The following ZDHHC1 variants were observed in gnomAD, a reference collection of about 807,000 sequenced individuals.
ZDHHC1 encodes the protein zDHHC palmitoyltransferase 1, also known as palmitoyltransferase ZDHHC1.
A neutral mutation model predicts 46.9 loss-of-function variants in ZDHHC1; 45 were observed. The observed-to-expected ratio is 0.96, with a 90% CI of 0.76 to 1.23. The LOEUF is 1.23. Ranked by LOEUF, ZDHHC1 falls within the 50% of genes most tolerant of loss-of-function variation. The probability of loss-of-function intolerance (pLI) is 0.00; values close to 1 mark genes in which losing one functional copy is unlikely to be tolerated. For missense variants in ZDHHC1, 649 were observed against 670.8 expected (o/e 0.97, Z 0.36); for synonymous variants, 291 against 286.0 (o/e 1.02, Z -0.18).
At chr16:67,404,535 G>A (rs1470675603) in intron 3 of ZDHHC1, 2 of 371,516 alleles carry the variant, frequency 5.4e-6, no homozygotes, top group African/African-American at 2.1e-5. Context: ...AGGCTGGTCA[G>A]GCATGAACCA....
chr16:67,398,127 C>G (rs1380536688), intron 8 of ZDHHC1, 85 bp downstream of exon 8: 5 of 1,390,158 alleles, frequency 3.6e-6, no homozygotes, highest in Non-Finnish European at 3.0e-6. Flanking sequence ...GCTTGCCTCC[C>G]TTGCCCTGTC....
At position 67,406,528 on chromosome 16, in the gene ZDHHC1, A is replaced by C; in HGVS notation, c.10-86T>G. On this transcript the variant is annotated intron_variant, in intron 2 of 11. Coordinates refer to ENST00000565726, the MANE Select transcript of ZDHHC1 (RefSeq NM_001323627.2). This position sits in a 1 kb window ranked among gnomAD's most constrained non-coding sequence, Gnocchi z 4.1. ...CCTGTGTCTGCAGCCAAGTTTCAGC[A>C]CAGGGGGAGTAGGCTGCGACAGCTA... is the stretch of plus-strand genomic sequence containing the variant. 7.0e-7 allele frequency: 1 copy of C among 1,427,220 alleles called. No individual in the cohort carries two copies. The highest frequency in any genetic ancestry group is 9.2e-7 in the Non-Finnish European group (1 of 1,087,038). The allele number at this position is 1,427,220 out of a possible 1,614,324, so 88.4% of individuals were successfully genotyped here. A position where few individuals can be genotyped will look rare whatever the true frequency, so the allele number is the denominator to read the frequency against.
At position 67,401,147 on chromosome 16, in the gene ZDHHC1, TA is replaced by T. The variant is rs779634914; in HGVS notation, c.253-16del. On this transcript the variant is annotated splice_polypyrimidine_tract_variant and intron_variant, in intron 3 of 11. Transcript: ENST00000565726. This position sits in a 1 kb window ranked among gnomAD's most constrained non-coding sequence, Gnocchi z 4.6. ...GCGCCCATGCACTGGCCCAGCAGGT[TA>T]AAGACTCACTCCACTCTGCCGGCTG... 46 of 1,612,402 alleles carry T rather than the reference TA, an allele frequency of 2.9e-5. No homozygotes were observed. Among genetic ancestry groups the T allele is most frequent in the Non-Finnish European group, 3.9e-5 (46 of 1,179,612 alleles).
chr16:67,406,525 A>G lies in ZDHHC1; in HGVS notation c.10-83T>C, dbSNP rs924862710. 5.6e-6 allele frequency: 8 copies of G among 1,432,266 alleles called. No individual in the cohort carries two copies. The highest frequency in any genetic ancestry group is 5.5e-6 in the Non-Finnish European group (6 of 1,090,610). The allele number at this position is 1,432,266 out of a possible 1,614,324, so 88.7% of individuals were successfully genotyped here. On this transcript the variant is annotated intron_variant, in intron 2 of 11. Transcript: ENST00000565726. The surrounding 1 kb of genome is among the most constrained non-coding windows in gnomAD (Gnocchi z 4.1). ...GGGCCTGTGTCTGCAGCCAAGTTTCAGCACAGGGGGAGTAGGCTGCGACAG... is the reference window on the plus strand; with the variant it reads ...GGGCCTGTGTCTGCAGCCAAGTTTCGGCACAGGGGGAGTAGGCTGCGACAG...
At chr16:67,411,366 G>C (rs1019046302) in intron 1 of ZDHHC1, among the ~76,000 whole-genome samples, 8 of 152,188 alleles carry the variant, frequency 5.3e-5, no homozygotes, top group Non-Finnish European at 1.0e-4. Flanking sequence ...GGGAGACGCA[G>C]GTGGGATCAA....
chr16:67,397,512 A>G (rs1226102343), intron 8 of ZDHHC1, among the ~76,000 whole-genome samples: 1 of 150,962 alleles, frequency 6.6e-6, no homozygotes, highest in African/African-American at 2.4e-5. Context: ...TCCCCAACCC[A>G]CCCACCAGCC....
chr16:67,412,953 G>A (rs539954133), intron 1 of ZDHHC1, among the ~76,000 whole-genome samples: 6 of 151,590 alleles, frequency 4.0e-5, no homozygotes, highest in Non-Finnish European at 5.9e-5. Flanking sequence ...GGTGCCCGCC[G>A]CCACGCCCGG....
intron 1 of ZDHHC1, 70 bp from the exon 2 acceptor site, chr16:67,407,883 G>T (rs1005509204): frequency 2.6e-5 from 19 of 721,672 alleles, no homozygotes; most frequent in Non-Finnish European, 5.0e-5. Flanking sequence ...CATCTGGCCT[G>T]CTTTCTCCTG....
In ZDHHC1 at chr16:67,406,206, G is replaced by C. The variant is rs746540603; in HGVS notation, c.246C>G (p.Gly82=). The C allele has an allele frequency of 1.9e-6, 3 of 1,613,846 alleles. No individual in the cohort carries two copies. The Admixed American group carries it at 5.0e-5, about 27-fold the overall frequency. The change falls in exon 3 of 12, where the codon GGC becomes GGG. Residue 82 remains glycine, a synonymous_variant. Transcript: ENST00000565726. The surrounding 1 kb of genome is among the most constrained non-coding windows in gnomAD (Gnocchi z 4.1). ...TACGCTTTCCCAAGGATACAGCGTA[G>C]CCAGCGGGCACCCAGTGGTGAGGCA... The part of the protein sequence containing the change: ...PLLPHHWVPA[G]YACMGAIFAG...
chr16:67,398,645 C>A lies in ZDHHC1; in HGVS notation c.742G>T (p.Ala248Ser), dbSNP rs759249026. The A allele has an allele frequency of 1.9e-6, 3 of 1,606,598 alleles. No individual in the cohort carries two copies. The South Asian group carries it at 3.4e-5, about 18-fold the overall frequency. ...TQAPAILALAALLILLGLLST... is the reference protein window; with the variant it reads ...TQAPAILALASLLILLGLLST... ...AGGAGGCCCAGAAGGATGAGCAGGG[C>A]GGCCAGGGCCAGGATGGCAGGGGCC... is the stretch of plus-strand genomic sequence containing the variant. Residue 248 changes from alanine (A) to serine (S), a missense_variant, in exon 7 of 12, where the codon GCC becomes TCC. Coordinates refer to ENST00000565726, the MANE Select transcript of ZDHHC1 (RefSeq NM_001323627.2).
In ZDHHC1 at chr16:67,416,386, G is replaced by A; in HGVS notation, c.-254C>T. 1 of 168,272 alleles carries A rather than the reference G, an allele frequency of 5.9e-6. No individual in the cohort carries two copies. Among genetic ancestry groups the A allele is most frequent in the Non-Finnish European group, 1.0e-5 (1 of 96,428 alleles). 10.4% of individuals were successfully genotyped at this position (168,272 alleles called of 1,614,324 possible). On this transcript the variant is annotated 5_prime_UTR_variant, in exon 1 of 12. Coordinates refer to ENST00000565726, the MANE Select transcript of ZDHHC1 (RefSeq NM_001323627.2). ...TCCTCGAGCTCTGGCTCTGGCTCCG[G>A]CTCCGGCTCCGGCTCCGGCTCCGGC...
In ZDHHC1 at chr16:67,395,567, C is replaced by T. The variant is rs2040415011; in HGVS notation, c.928-1G>A. ...AGGTCCGCATGTAGAACTCCATCTC[C>T]TGGGGAAGGTGGAAGTCAAGGAGGC... On this transcript the variant is annotated splice_acceptor_variant, in intron 8 of 11. Transcript: ENST00000565726. LOFTEE classifies it high-confidence loss of function. The T allele has an allele frequency of 1.4e-5, 22 of 1,552,456 alleles. No homozygotes were observed. Among genetic ancestry groups the T allele is most frequent in the Non-Finnish European group, 1.8e-5 (21 of 1,147,504 alleles).
At position 67,398,275 on chromosome 16, in the gene ZDHHC1, T is replaced by C; in HGVS notation, c.864A>G (p.Pro288=). 6.2e-7 allele frequency: 1 copy of C among 1,614,046 alleles called. No homozygotes were observed. The highest frequency in any genetic ancestry group is 8.5e-7 in the Non-Finnish European group (1 of 1,179,984). The change falls in exon 8 of 12, where the codon CCA becomes CCG. Residue 288 remains proline (P), a synonymous_variant. Coordinates refer to ENST00000565726, the MANE Select transcript of ZDHHC1 (RefSeq NM_001323627.2). Reference sequence around the variant, plus strand: ...CCCTGTGAACCCCCTTGGCCTCCTGTGGTGGGCGGTGCTGCACGATGTACT... The same window carrying C: ...CCCTGTGAACCCCCTTGGCCTCCTGCGGTGGGCGGTGCTGCACGATGTACT... ...TYEYIVQHRP[P]QEAKGVHREL... is the part of the protein sequence containing the mutation.
Position 67,395,470 on chromosome 16 carries a change from CA to C in ZDHHC1, c.1010+13del, listed in dbSNP as rs2040411289. On this transcript the variant is annotated intron_variant, in intron 9 of 11. Transcript: ENST00000565726. ...CTGGAGATGCCCAGTGGCACATGCCCAGGTTGCACTCACTTGGCATTCACTG... is the reference window on the plus strand; with the variant it reads ...CTGGAGATGCCCAGTGGCACATGCCCGGTTGCACTCACTTGGCATTCACTG... The C allele has an allele frequency of 6.4e-7, 1 of 1,551,624 alleles. No individual in the cohort carries two copies. Among genetic ancestry groups the C allele is most frequent in the African/African-American group, 1.4e-5 (1 of 73,146 alleles).
At chr16:67,415,025 C>T (rs567718514) in intron 1 of ZDHHC1, among the ~76,000 whole-genome samples, 1 of 152,174 alleles carries the variant, frequency 6.6e-6, no homozygotes, top group East Asian at 1.9e-4. Context: ...TAATCCCAGA[C>T]TTGGGGGGCT....
At position 67,406,025 on chromosome 16, in the gene ZDHHC1, A is replaced by C. The variant is rs893423367; in HGVS notation, c.252+175T>G. ...ACTCACCCTATCAGGTGGAGAGGTC[A>C]GGTGGAGGCTGGAGACAGGCTGGGA... On this transcript the variant is annotated intron_variant, in intron 3 of 11. Transcript: ENST00000565726. The surrounding 1 kb of genome is among the most constrained non-coding windows in gnomAD (Gnocchi z 4.1). 6.6e-6 allele frequency among the ~76,000 whole-genome samples: 1 copy of C among 152,192 alleles called. No homozygotes were observed. Among genetic ancestry groups the C allele is most frequent in the South Asian group, 2.1e-4 (1 of 4,838 alleles).
intron 9 of ZDHHC1, 71 bp from the exon 10 acceptor site, chr16:67,395,351 A>G: frequency 6.7e-7 from 1 of 1,497,042 alleles, no homozygotes; most frequent in Non-Finnish European, 8.9e-7. Context: ...GTGCTGAGAG[A>G]AGCTTCCCTT....
rs2040647181 is a variant in ZDHHC1, at chr16:67,406,005, C to T, written c.252+195G>A. On this transcript the variant is annotated intron_variant, in intron 3 of 11. Transcript: ENST00000565726. The surrounding 1 kb of genome is among the most constrained non-coding windows in gnomAD (Gnocchi z 4.1). The stretch of plus-strand genomic sequence containing the variant: ...TAGGTATTTTAGGCATGCCCACTCA[C>T]CCTATCAGGTGGAGAGGTCAGGTGG... 1.3e-5 allele frequency among the ~76,000 whole-genome samples: 2 copies of T among 152,212 alleles called. No homozygotes were observed. The highest frequency in any genetic ancestry group is 4.8e-5 in the African/African-American group (2 of 41,460).
In ZDHHC1 at chr16:67,394,743, G is replaced by C; in HGVS notation, c.1316C>G (p.Ala439Gly). The change falls in exon 12 of 12, where the codon GCC (alanine) becomes GGC (glycine). Residue 439 changes from alanine to glycine, a missense_variant. Transcript: ENST00000565726. Reference protein sequence around the residue: ...IPVAQTRLGSAALAAPRGRGR... With the variant: ...IPVAQTRLGSGALAAPRGRGR... ...CCGGCCCCGCGGGGCGGCCAGAGCGGCGCTGCCCAGGCGCGTCTGCGCCAC... is the reference window on the plus strand; with the variant it reads ...CCGGCCCCGCGGGGCGGCCAGAGCGCCGCTGCCCAGGCGCGTCTGCGCCAC... 1 of 1,486,456 alleles carries C rather than the reference G, an allele frequency of 6.7e-7. No homozygotes were observed. Among genetic ancestry groups the C allele is most frequent in the Non-Finnish European group, 8.9e-7 (1 of 1,125,894 alleles). 92.1% of individuals were successfully genotyped at this position (1,486,456 alleles called of 1,614,324 possible).
Sources: gnomAD v4.1 joint callset for allele counts (sites outside exome capture counted in the v4.1 genomes callset) on GRCh38, gnomAD v4.1.1 for gene constraint, Gnocchi (gnomAD v3.1) non-coding constraint, MANE v1.5 for transcripts, NCBI Gene and HGNC (gene_info 2026-07-23, HGNC 2026-07-21) for gene names.